Variants in FMR1NB observed in about 807,000 individuals in gnomAD.
FMR1NB encodes the protein FMR1 neighbor protein.
A neutral mutation model predicts 16.8 loss-of-function variants in FMR1NB; 10 were observed. That is an observed-to-expected ratio of 0.60 (90% CI 0.37 to 1.01). The LOEUF (loss-of-function observed/expected upper bound fraction) is 1.01. FMR1NB is among the 50% of genes least tolerant of loss of function. The pLI is 0.01. For synonymous variants in FMR1NB, 83 were observed against 79.1 expected (o/e 1.05, Z -0.26); for missense variants, 205 against 204.8 (o/e 1.00, Z 0.00).
intron 1 of FMR1NB, among the ~76,000 whole-genome samples, chrX:147,992,409 C>A (rs782611427): frequency 4.6e-5 from 1 of 21,657 alleles, no homozygotes. Context: ...CCAGTAGGGG[C>A]CGCCGGGCAG....
chrX:148,009,888 T>C (rs1289662930), intron 4 of FMR1NB, among the ~76,000 whole-genome samples: 2 of 112,197 alleles, frequency 1.8e-5, no homozygotes, highest in African/African-American at 3.2e-5. Context: ...GTGGAATTTT[T>C]GGCCCTTCCT....
intron 1 of FMR1NB, 85 bp from the exon 2 acceptor site, chrX:148,003,116 T>C (rs1222168397): frequency 1.1e-6 from 1 of 949,796 alleles, no homozygotes; most frequent in East Asian, 3.1e-5. Flanking sequence ...ATAATTAATT[T>C]AAGCAAAGGT....
At chrX:148,017,143 A>C (rs897783700) in intron 4 of FMR1NB, among the ~76,000 whole-genome samples, 1 of 110,939 alleles carries the variant, frequency 9.0e-6, no homozygotes, top group African/African-American at 3.3e-5. Context: ...TCTAGGGTGA[A>C]AGAGTAGTAT....
intron 1 of FMR1NB, among the ~76,000 whole-genome samples, chrX:147,992,748 C>T (rs1470871363): frequency 1.4e-5 from 1 of 72,099 alleles, no homozygotes; most frequent in South Asian, 8.9e-4. Flanking sequence ...AGGGTCTCGG[C>T]CGGGCAGAGG....
rs891742761 is a variant in FMR1NB, at chrX:148,006,128, G to A, written c.398-574G>A. Among the ~76,000 whole-genome samples, 3 of 111,839 alleles carry A rather than the reference G, an allele frequency of 2.7e-5. No individual in the cohort carries two copies. The Admixed American group carries it at 2.9e-4, about 11-fold the overall frequency. ...AATTTATTGCAGTTGCATAATCTTG[G>A]TGTTAATGCCATAAATCATTGCCTG... On this transcript the variant is annotated intron_variant, in intron 2 of 5. Coordinates refer to ENST00000370467, the MANE Select transcript of FMR1NB (RefSeq NM_152578.3).
chrX:148,006,833 T>G lies in FMR1NB; in HGVS notation c.529T>G (p.Phe177Val), dbSNP rs1557189155. 1 of 1,205,093 alleles carries G rather than the reference T, an allele frequency of 8.3e-7. No individual in the cohort carries two copies. Among genetic ancestry groups the G allele is most frequent in the Non-Finnish European group, 1.1e-6 (1 of 893,007 alleles). Residue 177 changes from phenylalanine (F) to valine (V), a missense_variant, in exon 3 of 6, where the codon TTT (phenylalanine) becomes GTT (valine). Physicochemically the swap from Phe to Val is conservative, Grantham distance 50. Transcript: ENST00000370467. ...GTTSFKCFAP[F>V]RDVPKQMMQM... is the part of the protein sequence containing the mutation. The stretch of plus-strand genomic sequence containing the variant: ...CACGAGCTTCAAATGTTTTGCTCCA[T>G]TTAGAGATGGTAAGTTATTCCTCTT...
At chrX:147,983,706 C>T (rs781846042) in intron 1 of FMR1NB, among the ~76,000 whole-genome samples, 12 of 111,853 alleles carry the variant, frequency 1.1e-4, no homozygotes, top group Non-Finnish European at 2.1e-4. Flanking sequence ...TTGATAATGT[C>T]CTTTGATGTA....
In FMR1NB at chrX:147,981,488, A is replaced by G. The variant is rs1557186490; in HGVS notation, c.86A>G (p.Tyr29Cys). The change falls in exon 1 of 6, where the codon TAT (tyrosine) becomes TGT (cysteine). Residue 29 changes from tyrosine (Y) to cysteine (C), a missense_variant. Transcript: ENST00000370467. The part of the protein sequence containing the change: ...MRVAHLELAT[Y>C]ELAATESNPE... Reference sequence around the variant, plus strand: ...GTGGCTCACTTAGAGCTGGCAACTTATGAGTTGGCGGCAACTGAGTCGAAT... The same window carrying G: ...GTGGCTCACTTAGAGCTGGCAACTTGTGAGTTGGCGGCAACTGAGTCGAAT... 1 of 1,211,679 alleles carries G rather than the reference A, an allele frequency of 8.3e-7. No homozygotes were observed. Among genetic ancestry groups the G allele is most frequent in the Non-Finnish European group, 1.1e-6 (1 of 895,495 alleles).
intron 4 of FMR1NB, among the ~76,000 whole-genome samples, chrX:148,018,808 G>C (rs2044664199): frequency 2.7e-5 from 3 of 111,577 alleles, no homozygotes; most frequent in Admixed American, 1.9e-4. Flanking sequence ...GACAACAAAA[G>C]ACAAAATTGA....
intron 4 of FMR1NB, among the ~76,000 whole-genome samples, chrX:148,012,212 TA>T (rs1366485473): frequency 0.019 from 1 of 53 alleles, no homozygotes; most frequent in Non-Finnish European, 0.045. Flanking sequence ...GAATTGTTCT[TA>T]TTAACAGCTA....
At chrX:148,002,271 C>A (rs1892280841) in intron 1 of FMR1NB, among the ~76,000 whole-genome samples, 1 of 111,153 alleles carries the variant, frequency 9.0e-6, no homozygotes, top group African/African-American at 3.3e-5. Flanking sequence ...ATGAAAGTTG[C>A]AAATTAAAAC....
At chrX:147,995,795 C>T (rs1398271882) in intron 1 of FMR1NB, among the ~76,000 whole-genome samples, 1 of 112,460 alleles carries the variant, frequency 8.9e-6, no homozygotes, top group Non-Finnish European at 1.9e-5. Context: ...GTCTGGCTGC[C>T]TGCCGTGTAC....
Position 147,981,358 on chromosome X carries a change from C to CCA in FMR1NB, c.-45_-44insCA, listed in dbSNP as rs782473536. 1.0e-6 allele frequency: 1 copy of CCA among 981,887 alleles called. No homozygotes were observed. Among genetic ancestry groups the CCA allele is most frequent in the Non-Finnish European group, 1.3e-6 (1 of 761,988 alleles). The allele number at this position is 981,887 out of a possible 1,213,427, so 80.9% of individuals were successfully genotyped here. On this transcript the variant is annotated 5_prime_UTR_variant, in exon 1 of 6. Coordinates refer to ENST00000370467, the MANE Select transcript of FMR1NB (RefSeq NM_152578.3). ...GCTTCTGGGCCACGGACTGCCGGAC[C>CCA]GTTGGGCTGTGAGGCAGCGTCTCAG...
intron 4 of FMR1NB, among the ~76,000 whole-genome samples, chrX:148,023,054 A>T (rs1375869674): frequency 9.0e-6 from 1 of 111,460 alleles, no homozygotes; most frequent in South Asian, 3.8e-4. Flanking sequence ...GTGAATATTC[A>T]TATATTTGTT....
At chrX:148,009,906 T>C (rs2044615271) in intron 4 of FMR1NB, among the ~76,000 whole-genome samples, 1 of 111,960 alleles carries the variant, frequency 8.9e-6, no homozygotes, top group African/African-American at 3.3e-5. Context: ...CCTTCTTCTC[T>C]TCAAAGGTTG....
intron 1 of FMR1NB, among the ~76,000 whole-genome samples, chrX:148,001,839 A>G (rs190117031): frequency 3.6e-5 from 4 of 111,824 alleles, no homozygotes; most frequent in Non-Finnish European, 7.5e-5. Context: ...TAGAAAGTCA[A>G]GAAGCAGATC....
At chrX:148,017,526 TTC>T (rs1294741392) in intron 4 of FMR1NB, among the ~76,000 whole-genome samples, 4 of 110,333 alleles carry the variant, frequency 3.6e-5, no homozygotes, top group African/African-American at 1.3e-4. Flanking sequence ...TGAGACTATT[TTC>T]TTTTTTTTTC....
intron 1 of FMR1NB, among the ~76,000 whole-genome samples, chrX:147,997,745 C>G (rs2044549460): frequency 9.0e-6 from 1 of 110,711 alleles, no homozygotes; most frequent in South Asian, 3.8e-4. Flanking sequence ...CTACAAGGAG[C>G]TTAAACAAAT....
intron 1 of FMR1NB, among the ~76,000 whole-genome samples, chrX:147,996,847 T>C (rs1557188204): frequency 8.9e-6 from 1 of 112,044 alleles, no homozygotes; most frequent in Non-Finnish European, 1.9e-5. Context: ...TAAAAAATTC[T>C]TTGTGACAAG....
Sources: allele counts gnomAD v4.1 joint callset (sites outside exome capture counted in the v4.1 genomes callset), GRCh38; gene constraint gnomAD v4.1.1; transcripts MANE v1.5; gene names NCBI Gene and HGNC (gene_info 2026-07-23, HGNC 2026-07-21).